NFIA: variants seen among roughly 807,000 people sequenced by gnomAD.
The protein encoded by NFIA is nuclear factor 1 A-type.
Under a neutral mutation model 62.8 loss-of-function variants are expected in NFIA, and 8 were observed. The ratio of observed to expected loss-of-function variants is 0.13; its 90% CI spans 0.07 to 0.23. The LOEUF (loss-of-function observed/expected upper bound fraction) is 0.23. Among genes scored for constraint, NFIA ranks in the 10% least tolerant of loss-of-function variants. NFIA has a pLI of 1.00. For synonymous variants in NFIA, 235 were observed against 238.1 expected, an observed-to-expected ratio of 0.99 and a Z score of 0.12; for missense variants, 410 against 642.1, an observed-to-expected ratio of 0.64 and a Z score of 3.91.
chr1:61,274,842 T>C lies in NFIA; in HGVS notation c.560-2678T>C, dbSNP rs901579573. ...ACACTTAACAGCATCAGTGACCTTT[T>C]GCAATACCAGAAAGAGTGTCCATGC... On this transcript the variant is annotated intron_variant, in intron 2 of 10. Transcript: ENST00000403491. Among the ~76,000 whole-genome samples, 14 of 152,218 alleles carry C rather than the reference T, an allele frequency of 9.2e-5. No homozygotes were observed. The East Asian group carries it at 9.6e-4, about 10-fold the overall frequency.
intron 7 of NFIA, among the ~76,000 whole-genome samples, chr1:61,389,742 G>A (rs1256470208): frequency 4.3e-5 from 4 of 92,546 alleles, no homozygotes; most frequent in Non-Finnish European, 7.7e-5. Context: ...CCATCACACT[G>A]AGTTTTTTTT....
intron 2 of NFIA, among the ~76,000 whole-genome samples, chr1:61,140,523 A>G (rs1286703500): frequency 6.6e-6 from 1 of 152,166 alleles, no homozygotes; most frequent in African/African-American, 2.4e-5. Context: ...TTCTATGTGT[A>G]GAAAAGTTTT....
chr1:61,230,220 G>T (rs1654587414), intron 2 of NFIA, among the ~76,000 whole-genome samples: 2 of 152,030 alleles, frequency 1.3e-5, no homozygotes, highest in Admixed American at 6.6e-5. Context: ...AAGAAGCTGT[G>T]ACAGAAAAAA....
rs76918832 is a variant in NFIA at position 61,377,504 on chromosome 1, A to G, written c.947-5733A>G. On this transcript the variant is annotated intron_variant, in intron 6 of 10. Coordinates refer to ENST00000403491, the MANE Select transcript of NFIA (RefSeq NM_001134673.4). ...GGTTGTTGGGAATTAGATGATGACA[A>G]TGAACAGGACACTATCCAAGTCATG... 2.0e-4 allele frequency among the ~76,000 whole-genome samples: 31 copies of G among 152,278 alleles called. No individual in the cohort carries two copies. In the East Asian group the frequency reaches 5.6e-3, roughly 28 times the overall value.
intron 3 of NFIA, among the ~76,000 whole-genome samples, chr1:61,306,491 G>T (rs1406599235): frequency 4.6e-5 from 7 of 151,806 alleles, no homozygotes; most frequent in Non-Finnish European, 1.0e-4. Flanking sequence ...GGCCAGGCTA[G>T]TCTCGAACTC....
At chr1:61,114,686 C>T (rs930776482) in intron 2 of NFIA, among the ~76,000 whole-genome samples, 2 of 152,022 alleles carry the variant, frequency 1.3e-5, no homozygotes, top group South Asian at 2.1e-4. Context: ...AAGACCTGGA[C>T]TTTTCTTCTT....
chr1:61,344,921 T>A (rs1662135548), intron 4 of NFIA, among the ~76,000 whole-genome samples: 1 of 152,212 alleles, frequency 6.6e-6, no homozygotes, highest in African/African-American at 2.4e-5. Flanking sequence ...AGAAGTTCAA[T>A]AACCACAACC....
chr1:61,217,313 C>A (rs1653695797), intron 2 of NFIA, among the ~76,000 whole-genome samples: 1 of 151,832 alleles, frequency 6.6e-6, no homozygotes, highest in African/African-American at 2.4e-5. Flanking sequence ...CGTGATCCAC[C>A]CACCTTGGCC....
At chr1:61,129,158 G>A (rs1647030530) in intron 2 of NFIA, among the ~76,000 whole-genome samples, 2 of 151,854 alleles carry the variant, frequency 1.3e-5, no homozygotes, top group Admixed American at 6.6e-5. Context: ...TCCTGACCTC[G>A]TGATCCGTTC....
intron 1 of NFIA, among the ~76,000 whole-genome samples, chr1:61,087,837 C>G (rs1230511717): frequency 6.6e-6 from 1 of 152,182 alleles, no homozygotes; most frequent in African/African-American, 2.4e-5. Flanking sequence ...TTTAGATAAA[C>G]TTCACTTACT....
At chr1:61,289,993 G>A (rs1310128929) in intron 3 of NFIA, among the ~76,000 whole-genome samples, 2 of 145,964 alleles carry the variant, frequency 1.4e-5, no homozygotes, top group Non-Finnish European at 3.0e-5. Flanking sequence ...AGGTGCCAGG[G>A]ACATCTTCTT....
intron 3 of NFIA, among the ~76,000 whole-genome samples, chr1:61,307,746 C>G (rs533238432): frequency 2.1e-4 from 32 of 152,334 alleles, no homozygotes; most frequent in African/African-American, 7.2e-4. Flanking sequence ...GCTAAACTTT[C>G]ATGAATCTTT....
intron 6 of NFIA, among the ~76,000 whole-genome samples, chr1:61,363,948 A>ATT (rs35401343): frequency 0.64 from 90,439 of 142,402 alleles, 29,399 homozygotes; most frequent in East Asian, 0.74. Flanking sequence ...TGCATCTACT[A>ATT]TTTTTTTTTT....
intron 2 of NFIA, among the ~76,000 whole-genome samples, chr1:61,136,758 C>G (rs1255597589): frequency 6.6e-6 from 1 of 152,066 alleles, no homozygotes; most frequent in Non-Finnish European, 1.5e-5. Context: ...TTTGGCAGAC[C>G]TGGGTTCAAA....
chr1:61,198,877 G>A (rs1652217260), intron 2 of NFIA, among the ~76,000 whole-genome samples: 1 of 152,128 alleles, frequency 6.6e-6, no homozygotes, highest in South Asian at 2.1e-4. Context: ...GTGTTTGCTG[G>A]CTGGCTTGCT....
At chr1:61,356,441 G>A (rs578201502) in intron 5 of NFIA, among the ~76,000 whole-genome samples, 1 of 152,312 alleles carries the variant, frequency 6.6e-6, no homozygotes, top group African/African-American at 2.4e-5. Context: ...AATTGTTATA[G>A]CAGGAGCCTG....
chr1:61,170,600 C>G (rs559865328), intron 2 of NFIA, among the ~76,000 whole-genome samples: 1 of 152,194 alleles, frequency 6.6e-6, no homozygotes, highest in East Asian at 1.9e-4. Flanking sequence ...GGGAATATGC[C>G]CTCCCCCACA....
At chr1:61,123,799 A>G (rs1646926767) in intron 2 of NFIA, among the ~76,000 whole-genome samples, 1 of 152,206 alleles carries the variant, frequency 6.6e-6, no homozygotes, top group Non-Finnish European at 1.5e-5. Context: ...TCTTTGTTTT[A>G]AACAAACAAT....
At chr1:61,120,406 G>A (rs1646869155) in intron 2 of NFIA, among the ~76,000 whole-genome samples, 1 of 152,150 alleles carries the variant, frequency 6.6e-6, no homozygotes, top group South Asian at 2.1e-4. Context: ...CCAGATTTAA[G>A]GATTGTTTGG....
Sources: allele counts gnomAD v4.1 joint callset (sites outside exome capture counted in the v4.1 genomes callset), GRCh38; gene constraint gnomAD v4.1.1; transcripts MANE v1.5; gene names NCBI Gene and HGNC (gene_info 2026-07-23, HGNC 2026-07-21).